The following DPP6 variants were observed in gnomAD, a reference collection of about 807,000 sequenced individuals.
DPP6 encodes the protein A-type potassium channel modulatory protein DPP6.
In DPP6, 69 loss-of-function variants were observed where a neutral mutation model predicts 122.6. That is an observed-to-expected ratio of 0.56 (90% CI 0.46 to 0.69). DPP6 has a LOEUF of 0.69. Among genes scored for constraint, DPP6 ranks in the 30% least tolerant of loss-of-function variants. The pLI, the probability that DPP6 is intolerant of heterozygous loss-of-function variation, is 0.00. For synonymous variants in DPP6, 418 were observed against 433.1 expected (o/e 0.97, Z 0.43); for missense variants, 928 against 1,116.9 (o/e 0.83, Z 2.41).
At chr7:154,283,679 T>C (rs1804672192) in intron 1 of DPP6, among the ~76,000 whole-genome samples, 1 of 152,192 alleles carries the variant, frequency 6.6e-6, no homozygotes, top group South Asian at 2.1e-4. Context: ...AACTTGTGCA[T>C]CGTTGATGAT....
At chr7:154,663,252 C>A in intron 6 of DPP6, among the ~76,000 whole-genome samples, 1 of 62,408 alleles carries the variant, frequency 1.6e-5, no homozygotes. Flanking sequence ...ATCACCATGG[C>A]GTATTGGCCG....
intron 8 of DPP6, among the ~76,000 whole-genome samples, chr7:154,750,699 G>A (rs1252057493): frequency 2.0e-5 from 3 of 152,204 alleles, no homozygotes; most frequent in South Asian, 4.1e-4. Context: ...TTTGGAACAC[G>A]GAGAGACAAG....
At chr7:154,651,259 A>G (rs1335952363) in intron 6 of DPP6, among the ~76,000 whole-genome samples, 1 of 152,214 alleles carries the variant, frequency 6.6e-6, no homozygotes, top group Non-Finnish European at 1.5e-5. Context: ...GGAATTTCCT[A>G]TATAGTTACA....
chr7:154,860,570 G>A (rs1458351510), intron 17 of DPP6, among the ~76,000 whole-genome samples: 2 of 152,208 alleles, frequency 1.3e-5, no homozygotes, highest in Non-Finnish European at 2.9e-5. Context: ...GAAAGGGGCC[G>A]AAGAGCTGCC....
At chr7:153,867,113 C>T in the DPP6 span, among the ~76,000 whole-genome samples, 50 of 152,176 alleles carry the variant, frequency 3.3e-4, no homozygotes, top group Admixed American at 6.5e-4. Context: ...TTTTGGCTTA[C>T]GATTGACTTG....
chr7:154,752,842 C>T (rs189977284), intron 8 of DPP6, among the ~76,000 whole-genome samples: 46 of 152,272 alleles, frequency 3.0e-4, no homozygotes, highest in African/African-American at 1.0e-3. Flanking sequence ...GGGTTCTACC[C>T]AGTGCCATGT....
At chr7:154,748,468 G>A (rs753724695) in intron 8 of DPP6, among the ~76,000 whole-genome samples, 5 of 152,238 alleles carry the variant, frequency 3.3e-5, no homozygotes, top group African/African-American at 4.8e-5. Flanking sequence ...GAGCCAGAGC[G>A]AAGTGGAACC....
Position 154,208,693 on chromosome 7 carries a change from GT to G in DPP6, c.243+155631del, listed in dbSNP as rs1409066595. Among the ~76,000 whole-genome samples the G allele has an allele frequency of 2.6e-5, 4 of 152,172 alleles. No individual in the cohort carries two copies. In the South Asian group the frequency reaches 8.3e-4, roughly 32 times the overall value. On this transcript the variant is annotated intron_variant, in intron 1 of 25. Coordinates refer to ENST00000377770, the MANE Select transcript of DPP6 (RefSeq NM_130797.4). Reference sequence around the variant, plus strand: ...ATTGTAAAAGGATCACAGTTTTGAGGTGATGCTCCAGATAGCACAGTCAGGG... The same window carrying G: ...ATTGTAAAAGGATCACAGTTTTGAGGGATGCTCCAGATAGCACAGTCAGGG...
At chr7:154,562,225 A>G (rs1367128792) in intron 4 of DPP6, among the ~76,000 whole-genome samples, 1 of 152,188 alleles carries the variant, frequency 6.6e-6, no homozygotes, top group South Asian at 2.1e-4. Flanking sequence ...GTCCAACAAT[A>G]TATAAAAAGG....
At chr7:154,345,624 C>T (rs761269077) in intron 1 of DPP6, among the ~76,000 whole-genome samples, 3 of 152,142 alleles carry the variant, frequency 2.0e-5, no homozygotes, top group Non-Finnish European at 4.4e-5. Flanking sequence ...TTGCTGTCCA[C>T]GCCCCTACCT....
intron 1 of DPP6, among the ~76,000 whole-genome samples, chr7:154,214,127 T>C (rs1160296837): frequency 6.6e-6 from 1 of 152,168 alleles, no homozygotes; most frequent in African/African-American, 2.4e-5. Context: ...AAAGTCGCTG[T>C]TTATTTGAGA....
At chr7:154,478,550 A>G (rs1484241140) in intron 3 of DPP6, among the ~76,000 whole-genome samples, 2 of 151,332 alleles carry the variant, frequency 1.3e-5, no homozygotes, top group African/African-American at 4.9e-5. Flanking sequence ...AATGATCTAT[A>G]TACATATATA....
At chr7:154,310,921 T>C (rs942240287) in intron 1 of DPP6, among the ~76,000 whole-genome samples, 1 of 152,174 alleles carries the variant, frequency 6.6e-6, no homozygotes, top group Non-Finnish European at 1.5e-5. Flanking sequence ...AGTTTTGCAG[T>C]AGGCATCATG....
At chr7:154,243,653 G>A (rs1585723435) in intron 1 of DPP6, among the ~76,000 whole-genome samples, 1 of 152,002 alleles carries the variant, frequency 6.6e-6, no homozygotes, top group East Asian at 1.9e-4. Context: ...AAATTAGCCG[G>A]GCATGGTGGC....
At chr7:154,529,668 G>T (rs1190775615) in intron 3 of DPP6, among the ~76,000 whole-genome samples, 2 of 152,144 alleles carry the variant, frequency 1.3e-5, no homozygotes, top group African/African-American at 4.8e-5. Context: ...GTTTTGCAAT[G>T]AATGAAAATC....
intron 1 of DPP6, among the ~76,000 whole-genome samples, chr7:154,245,015 A>G (rs1015801067): frequency 1.3e-5 from 2 of 151,292 alleles, no homozygotes; most frequent in Admixed American, 6.6e-5. Flanking sequence ...CAATGGCACA[A>G]TCTTGGCTCA....
At chr7:153,824,336 A>G in the DPP6 span, among the ~76,000 whole-genome samples, 227 of 148,738 alleles carry the variant, frequency 1.5e-3, no homozygotes, top group Middle Eastern at 0.014. Flanking sequence ...GCTGTGAGCC[A>G]AGATCACACC....
At chr7:153,955,644 G>A (rs1802423695) in intron 1 of DPP6, among the ~76,000 whole-genome samples, 1 of 152,098 alleles carries the variant, frequency 6.6e-6, no homozygotes, top group African/African-American at 2.4e-5. Context: ...TTGCCATGTT[G>A]GTCAGGCTGG....
rs2533730 is a variant in DPP6, at chr7:154,053,011, G to T, written c.191G>T (p.Gly64Val). 2.9e-6 allele frequency: 3 copies of T among 1,038,448 alleles called. No homozygotes were observed. The highest frequency in any genetic ancestry group is 3.5e-6 in the Non-Finnish European group (3 of 861,472). 64.3% of individuals were successfully genotyped at this position (1,038,448 alleles called of 1,614,324 possible). A position where few individuals can be genotyped will look rare whatever the true frequency, so the allele number is the denominator to read the frequency against. ...RERGGGGGGA[G>V]GRPRFQYQAR... is the part of the protein sequence containing the mutation. Reference sequence around the variant, plus strand: ...CGCGGCGGCGGCGGCGGCGGCGCGGGTGGCCGGCCCCGGTTCCAGTACCAG... The same window carrying T: ...CGCGGCGGCGGCGGCGGCGGCGCGGTTGGCCGGCCCCGGTTCCAGTACCAG... Residue 64 changes from glycine (G) to valine (V), a missense_variant, in exon 1 of 26, where the codon GGT becomes GTT. Coordinates refer to ENST00000377770, the MANE Select transcript of DPP6 (RefSeq NM_130797.4).
Sources: allele counts gnomAD v4.1 joint callset (sites outside exome capture counted in the v4.1 genomes callset), GRCh38; gene constraint gnomAD v4.1.1; transcripts MANE v1.5; gene names NCBI Gene and HGNC (gene_info 2026-07-23, HGNC 2026-07-21).